Variants in ZNF518A observed in about 807,000 individuals in gnomAD.
The protein encoded by ZNF518A is zinc finger protein 518A.
Under a neutral mutation model 102.7 loss-of-function variants are expected in ZNF518A, and 47 were observed. The ratio of observed to expected loss-of-function variants is 0.46; its 90% confidence interval spans 0.36 to 0.58. The LOEUF (loss-of-function observed/expected upper bound fraction) is 0.58, where lower values mean the gene tolerates loss of function less well. ZNF518A is among the 20% of genes least tolerant of loss of function. The pLI is 0.00. For synonymous variants in ZNF518A, 652 were observed against 594.6 expected (o/e 1.10, Z -1.40); for missense variants, 1,793 against 1,699.8 (o/e 1.05, Z -0.96).
At chr10:96,195,761 G>A (rs1479989639) in intron 1 of ZNF518A, among the ~76,000 whole-genome samples, 3 of 152,150 alleles carry the variant, frequency 2.0e-5, no homozygotes, top group African/African-American at 7.2e-5. Flanking sequence ...TTACTGAGCT[G>A]TACACTTAAA....
At chr10:96,133,111 T>C (rs904588958) in intron 2 of ZNF518A, among the ~76,000 whole-genome samples, 1 of 152,204 alleles carries the variant, frequency 6.6e-6, no homozygotes, top group Non-Finnish European at 1.5e-5. Flanking sequence ...TTTGGTTTCA[T>C]AGTTTATTAC....
chr10:96,139,617 G>C (rs2081810065), intron 3 of ZNF518A, among the ~76,000 whole-genome samples: 1 of 152,146 alleles, frequency 6.6e-6, no homozygotes. Flanking sequence ...GAACAGAGTA[G>C]GACACTTGGG....
At chr10:96,151,014 A>G (rs1554880239) in intron 3 of ZNF518A, among the ~76,000 whole-genome samples, 1 of 151,944 alleles carries the variant, frequency 6.6e-6, no homozygotes, top group African/African-American at 2.4e-5. Context: ...CGGCCTCCCA[A>G]AGTGCTGGGA....
intron 3 of ZNF518A, among the ~76,000 whole-genome samples, chr10:96,136,843 C>T (rs2081621805): frequency 6.6e-6 from 1 of 152,156 alleles, no homozygotes; most frequent in Non-Finnish European, 1.5e-5. Flanking sequence ...GCATCTGACC[C>T]TCAGAGAGTA....
Position 96,160,534 on chromosome 10 carries a change from C to A in ZNF518A, c.4212C>A (p.Ser1404=), listed in dbSNP as rs781864566. ...NPPKTTYDDF[S]KRHKTFKPVS... ...CTAAAACAACTTATGATGATTTTTCCAAGAGGCACAAAACATTTAAACCTG... is the reference window on the plus strand; with the variant it reads ...CTAAAACAACTTATGATGATTTTTCAAAGAGGCACAAAACATTTAAACCTG... Residue 1404 remains serine (S), a synonymous_variant, in exon 6 of 6, where the codon TCC becomes TCA. Coordinates refer to ENST00000316045, the MANE Select transcript of ZNF518A (RefSeq NM_001330736.2). 3.7e-6 allele frequency: 6 copies of A among 1,611,680 alleles called. No individual in the cohort carries two copies. The highest frequency in any genetic ancestry group is 5.1e-6 in the Non-Finnish European group (6 of 1,179,126).
chr10:96,165,494 C>T (rs1441640749), downstream of ZNF518A, among the ~76,000 whole-genome samples: 12 of 144,426 alleles, frequency 8.3e-5, no homozygotes, highest in Non-Finnish European at 1.4e-4. Flanking sequence ...AAAAAACAGA[C>T]ACCAAACCAA....
At chr10:96,203,463 T>C (rs587765800) in intron 1 of ZNF518A, 230 of 152,396 alleles carry the variant, frequency 1.5e-3, no homozygotes, top group African/African-American at 5.4e-3. Context: ...AAATTATCTA[T>C]GTAAAGCAGA....
At position 96,158,478 on chromosome 10, in the gene ZNF518A, A is replaced by G. The variant is rs1402887222; in HGVS notation, c.2156A>G (p.Gln719Arg). Residue 719 changes from glutamine (Q) to arginine (R), a missense_variant, in exon 6 of 6, where the codon CAG (glutamine) becomes CGG (arginine). Coordinates refer to ENST00000316045, the MANE Select transcript of ZNF518A (RefSeq NM_001330736.2). ...AAAGCAAAATCTGAAATTGAAGAACAGTATGTTTTAGAAAAAGGACAAAAC... is the reference window on the plus strand; with the variant it reads ...AAAGCAAAATCTGAAATTGAAGAACGGTATGTTTTAGAAAAAGGACAAAAC... Reference protein sequence around the residue: ...TLKAKSEIEEQYVLEKGQNID... With the variant: ...TLKAKSEIEERYVLEKGQNID... The G allele has an allele frequency of 6.8e-6, 11 of 1,612,492 alleles. No homozygotes were observed. The highest frequency in any genetic ancestry group is 2.2e-5 in the East Asian group (1 of 44,886).
chr10:96,176,325 T>C (rs184406587), intron 1 of ZNF518A, among the ~76,000 whole-genome samples: 140 of 151,692 alleles, frequency 9.2e-4, no homozygotes, highest in African/African-American at 3.4e-3. Flanking sequence ...GTAACTGGAG[T>C]CCCAGAAAAG....
chr10:96,182,171 A>G (rs1419316132), intron 1 of ZNF518A, among the ~76,000 whole-genome samples: 1 of 152,140 alleles, frequency 6.6e-6, no homozygotes, highest in Non-Finnish European at 1.5e-5. Flanking sequence ...ATTTTTGCAC[A>G]TTGATTTTGT....
At chr10:96,145,918 G>A (rs1246771217) in intron 3 of ZNF518A, among the ~76,000 whole-genome samples, 2 of 152,228 alleles carry the variant, frequency 1.3e-5, no homozygotes, top group Non-Finnish European at 2.9e-5. Flanking sequence ...GTATGCCAGT[G>A]TGGAGGCCAT....
chr10:96,201,174 C>G, intron 1 of ZNF518A: 2 of 942,080 alleles, frequency 2.1e-6, no homozygotes, highest in African/African-American at 1.6e-5. Context: ...AAAAAAAATC[C>G]TTAAGGCAAT....
At position 96,160,039 on chromosome 10, in the gene ZNF518A, T is replaced by G. The variant is rs1433560177; in HGVS notation, c.3717T>G (p.Cys1239Trp). 1.2e-6 allele frequency: 2 copies of G among 1,610,830 alleles called. No individual in the cohort carries two copies. The highest frequency in any genetic ancestry group is 1.7e-6 in the Non-Finnish European group (2 of 1,179,040). Residue 1239 changes from cysteine to tryptophan, a missense_variant, in exon 6 of 6, where the codon TGT becomes TGG. Transcript: ENST00000316045. ...GGGTATTAAGGTGTAAAACAAATTGTAGAATTGAGAGGAACTTCAATAGAA... is the reference window on the plus strand; with the variant it reads ...GGGTATTAAGGTGTAAAACAAATTGGAGAATTGAGAGGAACTTCAATAGAA... ...ESRVLRCKTN[C>W]RIERNFNRKK... is the part of the protein sequence containing the mutation.
chr10:96,200,866 T>C lies in ZNF518A; in HGVS notation n.36-2708T>C. The C allele has an allele frequency of 1.0e-6, 1 of 961,352 alleles. No individual in the cohort carries two copies. Among genetic ancestry groups the C allele is most frequent in the Non-Finnish European group, 1.7e-6 (1 of 589,264 alleles). The allele number at this position is 961,352 out of a possible 1,614,324, so 59.6% of individuals were successfully genotyped here. On this transcript the variant is annotated intron_variant and non_coding_transcript_variant, in intron 1 of 2. Coordinates refer to the ZNF518A transcript ENST00000442635. The surrounding 1 kb of genome is among the most constrained non-coding windows in gnomAD (Gnocchi z 4.3). ...TACCAAATGACAGTTCACATAATGATGTAAAATACAGTCTCTGTTCTCAAG... is the reference window on the plus strand; with the variant it reads ...TACCAAATGACAGTTCACATAATGACGTAAAATACAGTCTCTGTTCTCAAG...
chr10:96,188,769 A>T (rs1249797128), intron 1 of ZNF518A, among the ~76,000 whole-genome samples: 2 of 152,210 alleles, frequency 1.3e-5, no homozygotes, highest in Non-Finnish European at 2.9e-5. Flanking sequence ...TAAAAAATGC[A>T]TATAAATTTT....
At chr10:96,175,867 C>CTCCCTCCA (rs1554891387) in intron 1 of ZNF518A, among the ~76,000 whole-genome samples, 3 of 52,156 alleles carry the variant, frequency 5.8e-5, no homozygotes, top group South Asian at 9.2e-4. Context: ...CCCTCCCTGC[C>CTCCCTCCA]TCCCTCCCTC....
chr10:96,146,423 C>T (rs2082176201), intron 3 of ZNF518A, among the ~76,000 whole-genome samples: 1 of 152,036 alleles, frequency 6.6e-6, no homozygotes. Context: ...ATTACTGTGC[C>T]TTTTTTTCCT....
At chr10:96,181,863 GT>G (rs1320043902) in intron 1 of ZNF518A, among the ~76,000 whole-genome samples, 6 of 152,042 alleles carry the variant, frequency 3.9e-5, no homozygotes, top group Non-Finnish European at 5.9e-5. Flanking sequence ...AATTTTTCCA[GT>G]TCTGTGAAGA....
At position 96,157,788 on chromosome 10, in the gene ZNF518A, T is replaced by C. The variant is rs371797868; in HGVS notation, c.1466T>C (p.Leu489Ser). The C allele has an allele frequency of 3.1e-6, 5 of 1,613,902 alleles. No homozygotes were observed. Among genetic ancestry groups the C allele is most frequent in the East Asian group, 2.2e-5 (1 of 44,880 alleles). Reference sequence around the variant, plus strand: ...ACTGCTAATTTGCAGCCCCAGACTTTGGACACTAATGGATTTTTAACAGGA... The same window carrying C: ...ACTGCTAATTTGCAGCCCCAGACTTCGGACACTAATGGATTTTTAACAGGA... The part of the protein sequence containing the change: ...DGTANLQPQT[L>S]DTNGFLTGVT... Residue 489 changes from leucine (L) to serine (S), a missense_variant, in exon 6 of 6, where the codon TTG (leucine) becomes TCG (serine). Physicochemically the swap from Leu to Ser is moderately radical, Grantham distance 145. Around this residue, in one of 3 missense-constraint regions of ZNF518A, gnomAD observed 1,741 missense variants for 1,622.6 expected, o/e 1.07. Transcript: ENST00000316045.
Sources: gnomAD v4.1 joint callset for allele counts (sites outside exome capture counted in the v4.1 genomes callset) on GRCh38, gnomAD v4.1.1 for gene constraint, gnomAD v4.1.1 regional missense constraint, Gnocchi (gnomAD v3.1) non-coding constraint, MANE v1.5 for transcripts, NCBI Gene and HGNC (gene_info 2026-07-23, HGNC 2026-07-21) for gene names.